Variants in NDUFAF4 observed in about 807,000 individuals in gnomAD.
The protein encoded by NDUFAF4 is NADH dehydrogenase [ubiquinone] 1 alpha subcomplex assembly factor 4.
Under a neutral mutation model 15.6 loss-of-function variants are expected in NDUFAF4, and 10 were observed. The observed-to-expected ratio is 0.64, with a 90% CI of 0.40 to 1.09. NDUFAF4 has a LOEUF of 1.09. Ranked by LOEUF, NDUFAF4 falls within the 50% of genes least tolerant of loss-of-function variation. The probability of loss-of-function intolerance (pLI) is 0.01; values close to 1 mark genes in which losing one functional copy is unlikely to be tolerated. For synonymous variants in NDUFAF4, 77 were observed against 73.3 expected (o/e 1.05, Z -0.26); for missense variants, 203 against 207.3 (o/e 0.98, Z 0.13).
chr6:96,896,769 G>C lies in NDUFAF4; in HGVS notation c.215C>G (p.Ser72Cys), dbSNP rs777271921. Reference sequence around the variant, plus strand: ...CTGCAAGGAAGACACAGGATCTTTGGAATCAACATACACATCTTTTAGAAA... The same window carrying C: ...CTGCAAGGAAGACACAGGATCTTTGCAATCAACATACACATCTTTTAGAAA... ...LSFLKDVYVDSKDPVSSLQVK... is the reference protein window; with the variant it reads ...LSFLKDVYVDCKDPVSSLQVK... The change falls in exon 2 of 3, where the codon TCC (serine) becomes TGC (cysteine). Residue 72 changes from serine (S) to cysteine (C), a missense_variant. Coordinates refer to ENST00000316149, the MANE Select transcript of NDUFAF4 (RefSeq NM_014165.4). 3 of 1,612,224 alleles carry C rather than the reference G, an allele frequency of 1.9e-6. No individual in the cohort carries two copies. The African/African-American group carries it at 4.0e-5, about 22-fold the overall frequency.
At chr6:96,896,648 G>A in intron 2 of NDUFAF4, 96 bp downstream of exon 2, 1 of 996,944 alleles carries the variant, frequency 1.0e-6, no homozygotes, top group South Asian at 1.3e-5. Context: ...ACACACACTT[G>A]CAGAGCACTC....
chr6:96,894,574 T>C (rs950182125), intron 2 of NDUFAF4, among the ~76,000 whole-genome samples: 1 of 152,214 alleles, frequency 6.6e-6, no homozygotes, highest in African/African-American at 2.4e-5. Context: ...AACTTTATCA[T>C]AGTATATATT....
At chr6:96,897,597 C>A in intron 1 of NDUFAF4, 69 bp downstream of exon 1, 1 of 1,604,442 alleles carries the variant, frequency 6.2e-7, no homozygotes, top group Non-Finnish European at 8.5e-7. Flanking sequence ...TCCGGACCCA[C>A]GCTAGGGACA....
In NDUFAF4 at chr6:96,890,966, C is replaced by T. The variant is rs1311226909; in HGVS notation, c.*138G>A. 1 of 775,354 alleles carries T rather than the reference C, an allele frequency of 1.3e-6. No individual in the cohort carries two copies. The highest frequency in any genetic ancestry group is 2.0e-6 in the Non-Finnish European group (1 of 491,950). The allele number at this position is 775,354 out of a possible 1,614,324, so 48.0% of individuals were successfully genotyped here. The stretch of plus-strand genomic sequence containing the variant: ...ATGGCAATCTTGAAAAGTCAGGGAG[C>T]TCAATAAATATTAAGAGTATGCCCT... On this transcript the variant is annotated 3_prime_UTR_variant, in exon 3 of 3. Transcript: ENST00000316149.
chr6:96,897,868 G>A lies in NDUFAF4; in HGVS notation c.-67C>T. 3 of 1,610,128 alleles carry A rather than the reference G, an allele frequency of 1.9e-6. No homozygotes were observed. Among genetic ancestry groups the A allele is most frequent in the South Asian group, 1.1e-5 (1 of 90,870 alleles). On this transcript the variant is annotated 5_prime_UTR_variant, in exon 1 of 3. Coordinates refer to ENST00000316149, the MANE Select transcript of NDUFAF4 (RefSeq NM_014165.4). ...GAACACCGGCGCAGGACAACTCCGG[G>A]ACACCCGGAGCATGCGCACAAGTGA...
chr6:96,896,798 C>T lies in NDUFAF4; in HGVS notation c.186G>A (p.Leu62=). ...GEIARKDEKL[L]SFLKDVYVDS... Reference sequence around the variant, plus strand: ...CAACATACACATCTTTTAGAAACGACAGCAGCTTTTCATCTTTACGAGCAA... The same window carrying T: ...CAACATACACATCTTTTAGAAACGATAGCAGCTTTTCATCTTTACGAGCAA... Residue 62 remains leucine, a synonymous_variant, in exon 2 of 3, where the codon CTG becomes CTA. Transcript: ENST00000316149. The T allele has an allele frequency of 1.2e-6, 2 of 1,613,922 alleles. No homozygotes were observed. The highest frequency in any genetic ancestry group is 1.7e-6 in the Non-Finnish European group (2 of 1,180,002).
In NDUFAF4 at chr6:96,897,834, C is replaced by A. The variant is rs886061832; in HGVS notation, c.-33G>T. On this transcript the variant is annotated 5_prime_UTR_variant, in exon 1 of 3. Transcript: ENST00000316149. ...TAACATTATGCGCTCAGGTTCAGGC[C>A]GCACGTGGGAACACCGGCGCAGGAC... 3 of 1,613,624 alleles carry A rather than the reference C, an allele frequency of 1.9e-6. No homozygotes were observed. Among genetic ancestry groups the A allele is most frequent in the South Asian group, 1.1e-5 (1 of 91,052 alleles).
Position 96,890,933 on chromosome 6 carries a change from G to T in NDUFAF4, c.*171C>A. On this transcript the variant is annotated 3_prime_UTR_variant, in exon 3 of 3. Transcript: ENST00000316149. Reference sequence around the variant, plus strand: ...TAAACCAAATTAAAATAAAACAAAAGATATTCTATGGCAATCTTGAAAAGT... The same window carrying T: ...TAAACCAAATTAAAATAAAACAAAATATATTCTATGGCAATCTTGAAAAGT... The T allele has an allele frequency of 1.6e-6, 1 of 628,814 alleles. No individual in the cohort carries two copies. The highest frequency in any genetic ancestry group is 2.7e-6 in the Non-Finnish European group (1 of 372,578). The allele number at this position is 628,814 out of a possible 1,614,324, so 39.0% of individuals were successfully genotyped here.
Position 96,897,672 on chromosome 6 carries a change from T to G in NDUFAF4, c.130A>C (p.Ile44Leu). ...ACGCCCTCGCACCACTCACGACTAA[T>G]CTGCTCTCGCAGGAGGCTGTTGGTA... ...PSTNSLLREQ[I>L]SLYPEVKGEI... The change falls in exon 1 of 3, where the codon ATT becomes CTT. Residue 44 changes from isoleucine (I) to leucine (L), a missense_variant. Transcript: ENST00000316149. 6.2e-7 allele frequency: 1 copy of G among 1,613,998 alleles called. No individual in the cohort carries two copies. The highest frequency in any genetic ancestry group is 8.5e-7 in the Non-Finnish European group (1 of 1,179,908).
chr6:96,897,083 C>T (rs1388134178), intron 1 of NDUFAF4, among the ~76,000 whole-genome samples: 2 of 152,088 alleles, frequency 1.3e-5, no homozygotes, highest in African/African-American at 4.8e-5. Flanking sequence ...CGCCACCACG[C>T]CCGGCTAATT....
intron 2 of NDUFAF4, 87 bp downstream of exon 2, chr6:96,896,657 T>C: frequency 1.8e-6 from 2 of 1,100,752 alleles, no homozygotes; most frequent in South Asian, 2.5e-5. Flanking sequence ...TGCAGAGCAC[T>C]CTTTTTACTA....
chr6:96,897,615 A>C, intron 1 of NDUFAF4, 51 bp downstream of exon 1: 1 of 1,610,270 alleles, frequency 6.2e-7, no homozygotes, highest in Non-Finnish European at 8.5e-7. Flanking sequence ...ACAGCCGGGC[A>C]GCACAGGGAC....
intron 1 of NDUFAF4, among the ~76,000 whole-genome samples, chr6:96,897,251 A>C (rs1775392115): frequency 6.6e-6 from 1 of 152,128 alleles, no homozygotes. Context: ...TTTAAAAAAT[A>C]AACATAATCA....
In NDUFAF4 at chr6:96,897,843, G is replaced by T. The variant is rs1238484326; in HGVS notation, c.-42C>A. The T allele has an allele frequency of 1.9e-6, 3 of 1,613,128 alleles. No individual in the cohort carries two copies. The highest frequency in any genetic ancestry group is 3.3e-5 in the Admixed American group (2 of 59,974). ...GCGCTCAGGTTCAGGCCGCACGTGG[G>T]AACACCGGCGCAGGACAACTCCGGG... On this transcript the variant is annotated 5_prime_UTR_variant, in exon 1 of 3. Coordinates refer to ENST00000316149, the MANE Select transcript of NDUFAF4 (RefSeq NM_014165.4).
intron 2 of NDUFAF4, 118 bp from the exon 3 acceptor site, chr6:96,891,509 C>G (rs1049293219): frequency 5.5e-6 from 6 of 1,097,844 alleles, no homozygotes; most frequent in Non-Finnish European, 7.9e-6. Context: ...GGATCTGTGT[C>G]CCCACCCAAA....
intron 2 of NDUFAF4, among the ~76,000 whole-genome samples, chr6:96,893,497 A>T (rs1218245623): frequency 6.6e-6 from 1 of 152,088 alleles, no homozygotes; most frequent in Non-Finnish European, 1.5e-5. Context: ...CATTCTTCAA[A>T]GGCATCACAC....
At chr6:96,893,520 T>G (rs942400655) in intron 2 of NDUFAF4, among the ~76,000 whole-genome samples, 1 of 152,124 alleles carries the variant, frequency 6.6e-6, no homozygotes, top group Non-Finnish European at 1.5e-5. Flanking sequence ...TCTTGTATCT[T>G]TATATTGCAA....
intron 2 of NDUFAF4, among the ~76,000 whole-genome samples, chr6:96,894,974 A>T (rs1775354087): frequency 6.6e-6 from 1 of 152,214 alleles, no homozygotes; most frequent in Non-Finnish European, 1.5e-5. Flanking sequence ...AGCTCTATTA[A>T]TTAAAACTAT....
At chr6:96,894,930 A>AG (rs1181820085) in intron 2 of NDUFAF4, among the ~76,000 whole-genome samples, 1 of 149,008 alleles carries the variant, frequency 6.7e-6, no homozygotes, top group Non-Finnish European at 1.5e-5. Context: ...AAAGAATGAG[A>AG]GAAGACTATA....
Sources: allele counts gnomAD v4.1 joint callset (sites outside exome capture counted in the v4.1 genomes callset), GRCh38; gene constraint gnomAD v4.1.1; transcripts MANE v1.5; gene names NCBI Gene and HGNC (gene_info 2026-07-23, HGNC 2026-07-21).